The following SLAIN1 variants were observed in gnomAD, a reference collection of about 807,000 sequenced individuals.
The protein encoded by SLAIN1 is SLAIN motif-containing protein 1.
Under a neutral mutation model 55.4 loss-of-function variants are expected in SLAIN1, and 17 were observed. The ratio of observed to expected loss-of-function variants is 0.31; its 90% CI spans 0.21 to 0.46. SLAIN1 has a LOEUF of 0.46. Ranked by LOEUF, SLAIN1 falls within the 20% of genes least tolerant of loss-of-function variation. The pLI is 1.00. For synonymous variants in SLAIN1, 348 were observed against 337.4 expected, an observed-to-expected ratio of 1.03 and a Z score of -0.35; for missense variants, 682 against 785.1, an observed-to-expected ratio of 0.87 and a Z score of 1.57.
intron 2 of SLAIN1, among the ~76,000 whole-genome samples, chr13:77,734,479 ATAAG>A (rs1239171701): frequency 2.0e-5 from 3 of 152,134 alleles, no homozygotes; most frequent in African/African-American, 7.2e-5. Context: ...GTCAAGATAA[ATAAG>A]TAAGAACTGT....
intron 5 of SLAIN1, among the ~76,000 whole-genome samples, chr13:77,755,954 G>T (rs1594297058): frequency 6.6e-6 from 1 of 152,156 alleles, no homozygotes; most frequent in Admixed American, 6.6e-5. Context: ...CTGGTTCTGG[G>T]CCATTTTGCT....
chr13:77,759,169 T>C (rs977115996), intron 5 of SLAIN1, among the ~76,000 whole-genome samples: 1 of 152,118 alleles, frequency 6.6e-6, no homozygotes, highest in Admixed American at 6.6e-5. Context: ...TATTTCTAAG[T>C]ATTTTATTTT....
chr13:77,752,935 C>G (rs1874338793), intron 4 of SLAIN1, among the ~76,000 whole-genome samples: 2 of 152,186 alleles, frequency 1.3e-5, no homozygotes, highest in Admixed American at 6.5e-5. Context: ...GCAACACCCT[C>G]ACAGACACAC....
At chr13:77,737,431 C>A (rs945738353) in intron 2 of SLAIN1, among the ~76,000 whole-genome samples, 1 of 152,108 alleles carries the variant, frequency 6.6e-6, no homozygotes, top group African/African-American at 2.4e-5. Context: ...ATGTCTTTCA[C>A]CTTCTCACAG....
At chr13:77,762,439 G>T (rs1045250045) in intron 6 of SLAIN1, among the ~76,000 whole-genome samples, 1 of 152,032 alleles carries the variant, frequency 6.6e-6, no homozygotes, top group Non-Finnish European at 1.5e-5. Flanking sequence ...TAGAGACAGG[G>T]TCTTGCTCTT....
intron 1 of SLAIN1, among the ~76,000 whole-genome samples, chr13:77,705,770 C>A (rs1345247047): frequency 6.6e-6 from 1 of 151,578 alleles, no homozygotes; most frequent in Non-Finnish European, 1.5e-5. Context: ...ACTTTAGAAC[C>A]AAATATTTTG....
intron 1 of SLAIN1, among the ~76,000 whole-genome samples, chr13:77,719,244 A>T: frequency 6.9e-6 from 1 of 144,326 alleles, no homozygotes. Context: ...GTGCCTTTTT[A>T]GGGCTAGTTT....
rs111426171 is a variant in SLAIN1, at chr13:77,741,532, G to A, written c.767-2751G>A. ...CATGAAATGTGTGGATTCTGAAAGTGTTGTCATTGCGAATGTGGTTTCCTT... is the reference window on the plus strand; with the variant it reads ...CATGAAATGTGTGGATTCTGAAAGTATTGTCATTGCGAATGTGGTTTCCTT... On this transcript the variant is annotated intron_variant, in intron 2 of 6. Coordinates refer to ENST00000418532, the MANE Select transcript of SLAIN1 (RefSeq NM_001242868.2). 2,806 of 643,138 alleles carry A rather than the reference G, an allele frequency of 4.4e-3. 13 individuals are homozygous for A. The highest frequency in any genetic ancestry group is 0.018 in the South Asian group (260 of 14,456). 39.8% of individuals were successfully genotyped at this position (643,138 alleles called of 1,614,324 possible).
intron 1 of SLAIN1, among the ~76,000 whole-genome samples, chr13:77,715,337 C>T (rs2091196173): frequency 6.6e-6 from 1 of 152,178 alleles, no homozygotes; most frequent in African/African-American, 2.4e-5. Flanking sequence ...TTTATCCACT[C>T]ATCTTTTGAT....
chr13:77,719,440 A>G (rs967824708), intron 1 of SLAIN1, 92 bp from the exon 2 acceptor site: 2 of 870,934 alleles, frequency 2.3e-6, no homozygotes, highest in South Asian at 2.4e-5. Context: ...TTCTGTTTCT[A>G]TGGAAATTGT....
chr13:77,748,855 T>C (rs116929857), intron 4 of SLAIN1, among the ~76,000 whole-genome samples: 2,560 of 152,228 alleles, frequency 0.017, 32 homozygotes, highest in Non-Finnish European at 0.03. Context: ...ATGATATCTG[T>C]CTCTTAGGAA....
intron 4 of SLAIN1, among the ~76,000 whole-genome samples, chr13:77,747,845 A>G (rs1873943074): frequency 6.6e-6 from 1 of 152,090 alleles, no homozygotes; most frequent in Non-Finnish European, 1.5e-5. Context: ...TTTCTTCCAC[A>G]CTTGCAGAAG....
intron 1 of SLAIN1, among the ~76,000 whole-genome samples, chr13:77,716,973 C>G (rs1218158388): frequency 6.6e-6 from 1 of 152,108 alleles, no homozygotes; most frequent in Non-Finnish European, 1.5e-5. Flanking sequence ...CAGCCTTTTA[C>G]CATTAACTAT....
At chr13:77,713,550 G>A (rs2091174247) in intron 1 of SLAIN1, among the ~76,000 whole-genome samples, 1 of 152,168 alleles carries the variant, frequency 6.6e-6, no homozygotes, top group East Asian at 1.9e-4. Context: ...TGGAGAAATA[G>A]GAACACTTTT....
At chr13:77,755,477 A>C (rs1431014579) in intron 5 of SLAIN1, among the ~76,000 whole-genome samples, 2 of 152,204 alleles carry the variant, frequency 1.3e-5, no homozygotes, top group African/African-American at 2.4e-5. Flanking sequence ...TATGTAGCCC[A>C]AAATAGAATG....
At chr13:77,710,671 T>G (rs559043662) in intron 1 of SLAIN1, among the ~76,000 whole-genome samples, 1 of 151,872 alleles carries the variant, frequency 6.6e-6, no homozygotes. Context: ...CTGTCAATAT[T>G]AGATCAATGA....
intron 1 of SLAIN1, among the ~76,000 whole-genome samples, chr13:77,710,756 A>G (rs1026769060): frequency 6.6e-6 from 1 of 151,266 alleles, no homozygotes; most frequent in Non-Finnish European, 1.5e-5. Context: ...CATCTACAGA[A>G]CTCTCCACCC....
At chr13:77,759,485 A>G (rs552497409) in intron 5 of SLAIN1, among the ~76,000 whole-genome samples, 1 of 152,292 alleles carries the variant, frequency 6.6e-6, no homozygotes, top group African/African-American at 2.4e-5. Context: ...AGAAATGGTG[A>G]AAGTGGACAT....
chr13:77,722,241 C>T (rs1213437576), intron 2 of SLAIN1, among the ~76,000 whole-genome samples: 1 of 152,018 alleles, frequency 6.6e-6, no homozygotes, highest in Non-Finnish European at 1.5e-5. Context: ...TGTATATAAA[C>T]TCAAAACTTC....
Sources: allele counts gnomAD v4.1 joint callset (sites outside exome capture counted in the v4.1 genomes callset), GRCh38; gene constraint gnomAD v4.1.1; transcripts MANE v1.5; gene names NCBI Gene and HGNC (gene_info 2026-07-23, HGNC 2026-07-21).